Variants in TRAF2 observed in about 807,000 individuals in gnomAD.
TRAF2 encodes the protein TNF receptor-associated factor 2.
In TRAF2, 6 loss-of-function variants were observed where a neutral mutation model predicts 55.6. That is an observed-to-expected ratio of 0.11 (90% confidence interval 0.06 to 0.21). The LOEUF is 0.21. Ranked by LOEUF, TRAF2 falls within the 10% of genes least tolerant of loss-of-function variation. TRAF2 has a pLI of 1.00. For missense variants in TRAF2, 561 were observed against 684.5 expected (o/e 0.82, Z 2.01); for synonymous variants, 329 against 276.3 (o/e 1.19, Z -1.89).
chr9:136,919,094 C>T (rs963429411), intron 7 of TRAF2, among the ~76,000 whole-genome samples: 1 of 82,146 alleles, frequency 1.2e-5, no homozygotes, highest in African/African-American at 4.8e-5. Flanking sequence ...GAGTCTCGCT[C>T]TGTTGGCCAG....
chr9:136,925,968 C>G lies in TRAF2; in HGVS notation c.*67C>G. The stretch of plus-strand genomic sequence containing the variant: ...CAGCCGGCTCACGGAGGGGCCACCA[C>G]GCTGGGCCAGGGTCTCACTGTACAA... On this transcript the variant is annotated 3_prime_UTR_variant, in exon 11 of 11. Coordinates refer to ENST00000247668, the MANE Select transcript of TRAF2 (RefSeq NM_021138.4). 6.3e-7 allele frequency: 1 copy of G among 1,584,284 alleles called. No homozygotes were observed.
intron 6 of TRAF2, among the ~76,000 whole-genome samples, chr9:136,911,846 C>CTGTTTT (rs1554781067): frequency 2.8e-5 from 2 of 71,446 alleles, no homozygotes; most frequent in African/African-American, 1.3e-4. Context: ...TCTCTTATCT[C>CTGTTTT]TTTTTTTTTT....
chr9:136,882,786 G>A (rs1415106716), upstream of TRAF2: 8 of 981,176 alleles, frequency 8.2e-6, no homozygotes, highest in South Asian at 4.7e-5. Context: ...GCTGGTGGGC[G>A]GGGTGGGGAG....
chr9:136,915,069 C>T (rs1850208715), intron 6 of TRAF2, among the ~76,000 whole-genome samples: 3 of 152,106 alleles, frequency 2.0e-5, no homozygotes, highest in Non-Finnish European at 1.5e-5. Context: ...ATCCCAGCTA[C>T]TCGGGAGGCT....
rs746610232 is a variant in TRAF2 at position 136,898,904 on chromosome 9, C to T, written c.164C>T (p.Ser55Phe). ...FQAQCGHRYC[S>F]FCLASILSSG... ...GCGCAGTGTGGCCACCGGTACTGCTCCTTCTGCCTGGCCAGCATCCTCAGG... is the reference window on the plus strand; with the variant it reads ...GCGCAGTGTGGCCACCGGTACTGCTTCTTCTGCCTGGCCAGCATCCTCAGG... Residue 55 changes from serine (S) to phenylalanine (F), a missense_variant, in exon 2 of 11, where the codon TCC becomes TTC. Physicochemically the swap from Ser to Phe is radical, Grantham distance 155. Coordinates refer to ENST00000247668, the MANE Select transcript of TRAF2 (RefSeq NM_021138.4). 1.2e-5 allele frequency: 19 copies of T among 1,610,592 alleles called. No individual in the cohort carries two copies. The highest frequency in any genetic ancestry group is 1.5e-5 in the Non-Finnish European group (18 of 1,179,060).
chr9:136,897,165 G>C (rs1415668220), intron 1 of TRAF2, among the ~76,000 whole-genome samples: 1 of 54,160 alleles, frequency 1.8e-5, no homozygotes, highest in Non-Finnish European at 3.8e-5. Flanking sequence ...GTCTCTGCCC[G>C]GGACGCTGAG....
chr9:136,924,568 A>T (rs1018437899), intron 10 of TRAF2, among the ~76,000 whole-genome samples: 1 of 152,004 alleles, frequency 6.6e-6, no homozygotes, highest in Non-Finnish European at 1.5e-5. Flanking sequence ...CTCTAAATAA[A>T]TGAACAAAAG....
rs753778678 is a variant in TRAF2 at position 136,909,949 on chromosome 9, C to T, written c.558C>T (p.Pro186=). 6.8e-6 allele frequency: 11 copies of T among 1,614,054 alleles called. No homozygotes were observed. The East Asian group carries it at 8.9e-5, about 13-fold the overall frequency. Residue 186 remains proline (P), a synonymous_variant, in exon 6 of 11, where the codon CCC becomes CCT. Coordinates refer to ENST00000247668, the MANE Select transcript of TRAF2 (RefSeq NM_021138.4). The part of the protein sequence containing the change: ...KAHHEVCPKF[P]LTCDGCGKKK... ...ACCACGAGGTCTGCCCCAAGTTCCC[C>T]TTAACTTGTGACGGCTGCGGCAAGA...
At chr9:136,918,227 T>TATG (rs1850286424) in intron 7 of TRAF2, among the ~76,000 whole-genome samples, 1 of 68,080 alleles carries the variant, frequency 1.5e-5, no homozygotes, top group African/African-American at 8.0e-5. Flanking sequence ...AGTGTTTTGT[T>TATG]TATATATATA....
intron 1 of TRAF2, among the ~76,000 whole-genome samples, chr9:136,897,299 G>A: frequency 2.0e-5 from 1 of 50,500 alleles, no homozygotes; most frequent in Admixed American, 1.2e-4. Flanking sequence ...GGTGGCCTTG[G>A]TGCTTAGGCA....
intron 1 of TRAF2, among the ~76,000 whole-genome samples, chr9:136,892,758 T>A (rs1002468499): frequency 6.6e-6 from 1 of 151,964 alleles, no homozygotes; most frequent in African/African-American, 2.4e-5. Context: ...CAGGCGTCTG[T>A]AATCCCAGCT....
chr9:136,908,094 C>T lies in TRAF2; in HGVS notation c.391C>T (p.Leu131Phe). ...GAGCTGCCACGAAGGCCGCTGCCCG[C>T]TCATGCTGACCGAATGTCCCGCGTG... ...YESCHEGRCP[L>F]MLTECPACKG... Residue 131 changes from leucine (L) to phenylalanine (F), a missense_variant, in exon 5 of 11, where the codon CTC becomes TTC. By Grantham distance (22) the Leu-to-Phe change is conservative. Coordinates refer to ENST00000247668, the MANE Select transcript of TRAF2 (RefSeq NM_021138.4). The T allele has an allele frequency of 5.0e-6, 8 of 1,605,714 alleles. No individual in the cohort carries two copies. Among genetic ancestry groups the T allele is most frequent in the Non-Finnish European group, 6.8e-6 (8 of 1,179,766 alleles).
At chr9:136,891,688 C>A (rs1228386194) in intron 1 of TRAF2, among the ~76,000 whole-genome samples, 1 of 151,658 alleles carries the variant, frequency 6.6e-6, no homozygotes, top group Non-Finnish European at 1.5e-5. Context: ...GGACACTCTT[C>A]AGTGACATTG....
At chr9:136,901,481 C>T (rs1020119749) in intron 4 of TRAF2, among the ~76,000 whole-genome samples, 2 of 152,200 alleles carry the variant, frequency 1.3e-5, no homozygotes, top group African/African-American at 4.8e-5. Flanking sequence ...ACTCTGAGGA[C>T]AGTGTGCTGA....
chr9:136,896,810 G>A (rs544419893), intron 1 of TRAF2, among the ~76,000 whole-genome samples: 5 of 152,248 alleles, frequency 3.3e-5, no homozygotes, highest in South Asian at 4.1e-4. Flanking sequence ...GGGTTTCACC[G>A]TGTTAGCCAG....
chr9:136,888,696 G>A (rs911424722), intron 1 of TRAF2, among the ~76,000 whole-genome samples: 2 of 152,184 alleles, frequency 1.3e-5, no homozygotes, highest in Non-Finnish European at 1.5e-5. Context: ...AATACAGCTT[G>A]TCCTTTTGAG....
rs190399967 is a variant in TRAF2 at position 136,926,017 on chromosome 9, G to T, written c.*116G>T. The T allele has an allele frequency of 7.8e-7, 1 of 1,281,334 alleles. No individual in the cohort carries two copies. Among genetic ancestry groups the T allele is most frequent in the East Asian group, 2.3e-5 (1 of 42,638 alleles). The allele number at this position is 1,281,334 out of a possible 1,614,324, so 79.4% of individuals were successfully genotyped here. A position where few individuals can be genotyped will look rare whatever the true frequency, so the allele number is the denominator to read the frequency against. On this transcript the variant is annotated 3_prime_UTR_variant, in exon 11 of 11. Transcript: ENST00000247668. ...AAGTGGGCAGGGGCCGCGCTTGGGC[G>T]CTTGGGAGGGTGTCGGCCTGCAGCC...
At chr9:136,918,824 C>T (rs1850308252) in intron 7 of TRAF2, among the ~76,000 whole-genome samples, 1 of 151,808 alleles carries the variant, frequency 6.6e-6, no homozygotes, top group Non-Finnish European at 1.5e-5. Context: ...CAGCCTCCAC[C>T]TCCTGGGTTC....
intron 4 of TRAF2, among the ~76,000 whole-genome samples, chr9:136,906,262 G>A (rs1849947871): frequency 6.6e-6 from 1 of 152,086 alleles, no homozygotes; most frequent in East Asian, 1.9e-4. Context: ...CTAGGTAACT[G>A]TATCAGTCCA....
Sources: gnomAD v4.1 joint callset for allele counts (sites outside exome capture counted in the v4.1 genomes callset) on GRCh38, gnomAD v4.1.1 for gene constraint, MANE v1.5 for transcripts, NCBI Gene and HGNC (gene_info 2026-07-23, HGNC 2026-07-21) for gene names.